Variants in PTK2 observed in about 807,000 individuals in gnomAD.
The protein encoded by PTK2 is protein tyrosine kinase 2.
PTK2 carries 45 observed loss-of-function variants against 150.1 expected under a neutral mutation model. The observed-to-expected ratio is 0.30, with a 90% CI of 0.24 to 0.38. The LOEUF (loss-of-function observed/expected upper bound fraction) is 0.38. Among genes scored for constraint, PTK2 ranks in the 10% least tolerant of loss-of-function variants. The pLI, the probability that PTK2 is intolerant of heterozygous loss-of-function variation, is 1.00. For missense variants in PTK2, 919 were observed against 1,307.3 expected, an observed-to-expected ratio of 0.70 and a Z score of 4.58; for synonymous variants, 432 against 449.2, an observed-to-expected ratio of 0.96 and a Z score of 0.48.
intron 23 of PTK2, among the ~76,000 whole-genome samples, chr8:140,709,545 GGGTGCTTC>G (rs2100035632): frequency 6.6e-6 from 1 of 152,202 alleles, no homozygotes; most frequent in Non-Finnish European, 1.5e-5. Context: ...TTCACAGTTA[GGGTGCTTC>G]AGCTCTCTGT....
At chr8:141,000,504 T>C (rs1332701299) in intron 1 of PTK2, among the ~76,000 whole-genome samples, 1 of 152,114 alleles carries the variant, frequency 6.6e-6, no homozygotes, top group Non-Finnish European at 1.5e-5. Context: ...ATTTCCCTCT[T>C]CCTCCTCCTG....
intron 1 of PTK2, among the ~76,000 whole-genome samples, chr8:140,964,001 C>T (rs546578245): frequency 1.4e-4 from 21 of 152,242 alleles, no homozygotes; most frequent in African/African-American, 4.8e-4. Context: ...CTTAATGTGC[C>T]ATGCTACTTC....
At chr8:140,907,931 TG>T (rs34237996) in intron 2 of PTK2, among the ~76,000 whole-genome samples, 63,332 of 151,918 alleles carry the variant, frequency 0.42, 15,113 homozygotes, top group Non-Finnish European at 0.55. Flanking sequence ...AACCCTACAA[TG>T]GCCTCTAAGC....
At chr8:140,670,848 A>T (rs922032541) in intron 29 of PTK2, among the ~76,000 whole-genome samples, 1 of 152,206 alleles carries the variant, frequency 6.6e-6, no homozygotes, top group Admixed American at 6.5e-5. Flanking sequence ...AAGAAGAAAT[A>T]GACAATTCTG....
chr8:140,949,217 T>C (rs1251033348), intron 1 of PTK2, among the ~76,000 whole-genome samples: 1 of 152,228 alleles, frequency 6.6e-6, no homozygotes, highest in Non-Finnish European at 1.5e-5. Flanking sequence ...ATACAGTATA[T>C]AATACATATA....
chr8:140,693,674 A>G (rs1223595020), intron 26 of PTK2, among the ~76,000 whole-genome samples: 1 of 150,422 alleles, frequency 6.6e-6, no homozygotes, highest in African/African-American at 2.5e-5. Flanking sequence ...CCGGGCTGCT[A>G]TCATAAAACA....
intron 16 of PTK2, among the ~76,000 whole-genome samples, chr8:140,752,530 A>G (rs2154522777): frequency 6.6e-6 from 1 of 152,368 alleles, no homozygotes; most frequent in Non-Finnish European, 1.5e-5. Flanking sequence ...ACAGCAAATC[A>G]TTTATTCATT....
rs973725650 is a variant in PTK2 at position 140,987,325 on chromosome 8, C to T, written c.-122+13800G>A. ...CCTCCTGAGTAGCTGGAATTACAAG[C>T]GTCCGCCACCATGCCCAGCTAATTT... On this transcript the variant is annotated intron_variant, in intron 1 of 31. Coordinates refer to ENST00000522684, the Ensembl canonical transcript of PTK2. Among the ~76,000 whole-genome samples the T allele has an allele frequency of 4.6e-5, 7 of 152,224 alleles. No homozygotes were observed. The East Asian group carries it at 9.7e-4, about 21-fold the overall frequency.
At chr8:140,665,834 T>C (rs2090771795) in intron 30 of PTK2, among the ~76,000 whole-genome samples, 1 of 152,246 alleles carries the variant, frequency 6.6e-6, no homozygotes, top group South Asian at 2.1e-4. Flanking sequence ...TGGTTTCACC[T>C]ACTGTTGAGT....
At chr8:140,942,651 CAT>C (rs2100176265) in intron 1 of PTK2, among the ~76,000 whole-genome samples, 1 of 151,328 alleles carries the variant, frequency 6.6e-6, no homozygotes, top group African/African-American at 2.4e-5. Context: ...TGTGTGCGCG[CAT>C]ATATGTGTGC....
intron 2 of PTK2, among the ~76,000 whole-genome samples, chr8:140,907,567 C>G (rs1480534897): frequency 6.6e-6 from 1 of 151,986 alleles, no homozygotes; most frequent in African/African-American, 2.4e-5. Flanking sequence ...AAAACAAAAA[C>G]AACAACAACA....
intron 5 of PTK2, among the ~76,000 whole-genome samples, chr8:140,862,282 T>C (rs1003677424): frequency 2.0e-5 from 3 of 152,154 alleles, no homozygotes; most frequent in Admixed American, 6.5e-5. Flanking sequence ...ACAGATCACA[T>C]ACCAAGAGAA....
intron 22 of PTK2, chr8:140,732,458 T>C: frequency 2.2e-6 from 1 of 450,154 alleles, no homozygotes; most frequent in Non-Finnish European, 4.4e-6. Context: ...GAGCATTCCT[T>C]AGTATTAAGA....
Position 140,864,417 on chromosome 8 carries a change from A to T in PTK2, c.363-18T>A. ...ATTCATATCTAAAAATAATTCACAA[A>T]ACAGAACAATTAGAAATCAGTCATT... On this transcript the variant is annotated intron_variant, in intron 4 of 31. Transcript: ENST00000522684. 7.1e-7 allele frequency: 1 copy of T among 1,412,922 alleles called. No individual in the cohort carries two copies. The allele number at this position is 1,412,922 out of a possible 1,614,324, so 87.5% of individuals were successfully genotyped here.
intron 1 of PTK2, among the ~76,000 whole-genome samples, chr8:140,973,501 T>TA (rs879832610): frequency 1.8e-3 from 259 of 142,526 alleles, no homozygotes; most frequent in East Asian, 4.6e-3. Flanking sequence ...CACACACACG[T>TA]AAAAAAAAAA....
intron 1 of PTK2, among the ~76,000 whole-genome samples, chr8:140,975,472 A>C (rs531585164): frequency 1.3e-5 from 2 of 152,160 alleles, no homozygotes; most frequent in African/African-American, 4.8e-5. Context: ...GCCTTTGCAC[A>C]TGAGTGGAAT....
intron 14 of PTK2, among the ~76,000 whole-genome samples, chr8:140,787,100 G>T (rs1458002346): frequency 1.3e-5 from 2 of 152,134 alleles, no homozygotes; most frequent in African/African-American, 4.8e-5. Context: ...TCTGACCAGA[G>T]AACTGCCTAT....
At chr8:140,940,943 C>T (rs1003296517) in intron 1 of PTK2, among the ~76,000 whole-genome samples, 3 of 151,950 alleles carry the variant, frequency 2.0e-5, no homozygotes, top group Non-Finnish European at 4.4e-5. Flanking sequence ...GCATTCCAGC[C>T]TGGGTGACAA....
At position 140,846,167 on chromosome 8, in the gene PTK2, TAGC is replaced by T. The variant is rs1397791612; in HGVS notation, c.593+90_593+92del. The T allele has an allele frequency of 5.4e-5, 53 of 977,266 alleles. No homozygotes were observed. In the East Asian group the frequency reaches 1.4e-3, roughly 26 times the overall value. 60.5% of individuals were successfully genotyped at this position (977,266 alleles called of 1,614,324 possible). A position where few individuals can be genotyped will look rare whatever the true frequency, so the allele number is the denominator to read the frequency against. On this transcript the variant is annotated intron_variant, in intron 7 of 31. Transcript: ENST00000522684. Reference sequence around the variant, plus strand: ...TCTTCTGGATATAAAATTTTAGAAATAGCAGTGTTTCAGAATCAGTATTTAATT... The same window carrying T: ...TCTTCTGGATATAAAATTTTAGAAATAGTGTTTCAGAATCAGTATTTAATT...
Sources: allele counts gnomAD v4.1 joint callset (sites outside exome capture counted in the v4.1 genomes callset), GRCh38; gene constraint gnomAD v4.1.1; transcripts MANE v1.5; gene names NCBI Gene and HGNC (gene_info 2026-07-23, HGNC 2026-07-21).